Variants in DACH2 observed in about 807,000 individuals in gnomAD.
DACH2 encodes dachshund homolog 2.
DACH2 carries 17 observed loss-of-function variants against 35.8 expected under a neutral mutation model. The observed-to-expected ratio is 0.48, with a 90% CI of 0.33 to 0.71. The LOEUF is 0.71. Ranked by LOEUF, DACH2 falls within the 30% of genes least tolerant of loss-of-function variation. DACH2 has a pLI of 0.02. For synonymous variants in DACH2, 195 were observed against 177.3 expected, an observed-to-expected ratio of 1.10 and a Z score of -0.79; for missense variants, 469 against 472.7, an observed-to-expected ratio of 0.99 and a Z score of 0.07.
chrX:86,506,899 A>G (rs1431848091), intron 2 of DACH2, among the ~76,000 whole-genome samples: 9 of 111,956 alleles, frequency 8.0e-5, no homozygotes, highest in African/African-American at 2.9e-4. Context: ...TCATGGAGAC[A>G]ATTTTGAAAT....
At chrX:86,803,448 C>G (rs2042313612) in intron 7 of DACH2, among the ~76,000 whole-genome samples, 1 of 111,175 alleles carries the variant, frequency 9.0e-6, no homozygotes, top group Non-Finnish European at 1.9e-5. Context: ...AAGAGTTGAC[C>G]AGAAACTCTT....
intron 7 of DACH2, among the ~76,000 whole-genome samples, chrX:86,755,950 A>G (rs184168146): frequency 9.1e-6 from 1 of 110,477 alleles, no homozygotes; most frequent in Admixed American, 9.7e-5. Flanking sequence ...TTTCTCCTTC[A>G]TAAGGATATC....
chrX:86,241,117 G>A (rs2033157800), intron 1 of DACH2, among the ~76,000 whole-genome samples: 1 of 112,217 alleles, frequency 8.9e-6, no homozygotes, highest in African/African-American at 3.2e-5. Context: ...GTCAACTTTG[G>A]AACTGGGTAA....
intron 3 of DACH2, among the ~76,000 whole-genome samples, chrX:86,517,371 C>T (rs1367698883): frequency 4.6e-5 from 5 of 109,649 alleles, no homozygotes; most frequent in African/African-American, 6.6e-5. Flanking sequence ...TTGTTGGCTG[C>T]GTGTATGTCT....
chrX:86,601,177 A>G (rs748171495), intron 3 of DACH2, among the ~76,000 whole-genome samples: 11 of 111,519 alleles, frequency 9.9e-5, no homozygotes, highest in Non-Finnish European at 9.4e-5. Context: ...TATTAATGGA[A>G]ATTCATATAC....
intron 2 of DACH2, among the ~76,000 whole-genome samples, chrX:86,399,185 C>A (rs1189754957): frequency 5.4e-5 from 6 of 111,770 alleles, no homozygotes; most frequent in African/African-American, 2.0e-4. Context: ...TCTGTTTTAT[C>A]AGAGACTAGG....
At chrX:86,660,776 T>C (rs1007988685) in intron 4 of DACH2, among the ~76,000 whole-genome samples, 3 of 111,614 alleles carry the variant, frequency 2.7e-5, no homozygotes, top group Non-Finnish European at 5.7e-5. Flanking sequence ...ATCAAAATAA[T>C]AGTAATTCTG....
chrX:86,532,144 T>G (rs1377608837), intron 3 of DACH2, among the ~76,000 whole-genome samples: 2 of 112,476 alleles, frequency 1.8e-5, no homozygotes, highest in African/African-American at 3.2e-5. Context: ...TGTTTTGATT[T>G]TACAGGCTTA....
chrX:86,248,238 A>T (rs2033326156), intron 1 of DACH2, among the ~76,000 whole-genome samples: 1 of 111,172 alleles, frequency 9.0e-6, no homozygotes, highest in Non-Finnish European at 1.9e-5. Flanking sequence ...ACATAGGAAG[A>T]GAGGATGTCA....
chrX:86,625,550 G>A (rs1029667622), intron 3 of DACH2, among the ~76,000 whole-genome samples: 1 of 110,667 alleles, frequency 9.0e-6, no homozygotes, highest in Admixed American at 9.7e-5. Flanking sequence ...AGTGTTAGAG[G>A]CAATACCCTA....
intron 1 of DACH2, among the ~76,000 whole-genome samples, chrX:86,204,489 G>A (rs1358230875): frequency 9.0e-6 from 1 of 111,497 alleles, no homozygotes; most frequent in African/African-American, 3.3e-5. Context: ...AGGCATGATC[G>A]CAGTGGCTGT....
chrX:86,344,986 A>G (rs1474589656), intron 1 of DACH2, among the ~76,000 whole-genome samples: 1 of 112,299 alleles, frequency 8.9e-6, no homozygotes, highest in Non-Finnish European at 1.9e-5. Flanking sequence ...TAAAGTAGTT[A>G]TGATTAGGAA....
At chrX:86,829,023 TCC>T (rs1301905249) in intron 11 of DACH2, 1 of 112,029 alleles carries the variant, frequency 8.9e-6, no homozygotes, top group Non-Finnish European at 1.9e-5. Context: ...AGTAAGAGGT[TCC>T]CCATGGCAGT....
At chrX:86,387,827 C>T (rs2036142895) in intron 2 of DACH2, among the ~76,000 whole-genome samples, 1 of 111,768 alleles carries the variant, frequency 8.9e-6, no homozygotes, top group South Asian at 3.7e-4. Flanking sequence ...CACCAAGTAT[C>T]GTATAGCAGC....
intron 3 of DACH2, among the ~76,000 whole-genome samples, chrX:86,533,560 G>A (rs2148291137): frequency 9.0e-6 from 1 of 111,727 alleles, no homozygotes; most frequent in South Asian, 3.7e-4. Flanking sequence ...ATTTATGAAG[G>A]TAAGCAAAAG....
At chrX:86,400,959 G>A (rs66524347) in intron 2 of DACH2, among the ~76,000 whole-genome samples, 1 of 111,976 alleles carries the variant, frequency 8.9e-6, no homozygotes, top group Non-Finnish European at 1.9e-5. Context: ...TTTGTTTGTC[G>A]GTGCCCTGCA....
intron 1 of DACH2, among the ~76,000 whole-genome samples, chrX:86,298,813 C>T (rs779151008): frequency 8.9e-6 from 1 of 111,747 alleles, no homozygotes; most frequent in South Asian, 3.7e-4. Flanking sequence ...CTTTGAGTTG[C>T]TTGGCTTATT....
At chrX:86,188,362 G>A (rs958948563) in intron 1 of DACH2, among the ~76,000 whole-genome samples, 7 of 111,718 alleles carry the variant, frequency 6.3e-5, no homozygotes, top group Non-Finnish European at 1.3e-4. Context: ...TACAGGCAAG[G>A]AGGTGTTCTC....
intron 2 of DACH2, among the ~76,000 whole-genome samples, chrX:86,449,449 C>T (rs867794691): frequency 9.0e-6 from 1 of 111,317 alleles, no homozygotes; most frequent in African/African-American, 3.3e-5. Flanking sequence ...TTTAGCCACT[C>T]TATATCTTTT....
Sources: allele counts gnomAD v4.1 joint callset (sites outside exome capture counted in the v4.1 genomes callset), GRCh38; gene constraint gnomAD v4.1.1; transcripts MANE v1.5; gene names NCBI Gene and HGNC (gene_info 2026-07-23, HGNC 2026-07-21).